FMN1: variants seen among roughly 807,000 people sequenced by gnomAD.
The protein encoded by FMN1 is formin 1.
Under a neutral mutation model 132.4 loss-of-function variants are expected in FMN1, and 110 were observed. That is an observed-to-expected ratio of 0.83 (90% CI 0.71 to 0.97). FMN1 has a LOEUF of 0.97. Among genes scored for constraint, FMN1 ranks in the 50% least tolerant of loss-of-function variants. The pLI is 0.00. For missense variants in FMN1, 1,792 were observed against 1,705.3 expected (o/e 1.05, Z -0.90); for synonymous variants, 722 against 651.7 (o/e 1.11, Z -1.64).
intron 4 of FMN1, among the ~76,000 whole-genome samples, chr15:33,128,087 C>G (rs1389176750): frequency 2.0e-5 from 3 of 151,976 alleles, no homozygotes; most frequent in African/African-American, 7.3e-5. Context: ...AGAAGAAAAC[C>G]AAGAATGAGG....
rs80089865 is a variant in FMN1 at position 32,968,752 on chromosome 15, C to T, written c.2949G>A (p.Lys983=). Residue 983 remains lysine, a synonymous_variant, in exon 8 of 21, where the codon AAG becomes AAA. Coordinates refer to ENST00000616417, the MANE Select transcript of FMN1 (RefSeq NM_001277313.2). ...KPAIEPSCPM[K]PLYWTRIQIS... ...TTTGTATCCTAGTCCAATATAAAGG[C>T]TTCATGGGACAACTGGGCTCGATGG... The T allele has an allele frequency of 1.0e-4, 163 of 1,612,904 alleles. No homozygotes were observed. In the African/African-American group the frequency reaches 2.0e-3, roughly 20 times the overall value.
At chr15:32,983,602 C>G (rs959867747) in intron 7 of FMN1, among the ~76,000 whole-genome samples, 1 of 152,050 alleles carries the variant, frequency 6.6e-6, no homozygotes, top group Non-Finnish European at 1.5e-5. Flanking sequence ...TAAGTGAACA[C>G]TAATATAATG....
chr15:32,927,687 C>T (rs1002004055), intron 9 of FMN1, among the ~76,000 whole-genome samples: 1 of 152,172 alleles, frequency 6.6e-6, no homozygotes, highest in Non-Finnish European at 1.5e-5. Flanking sequence ...TGTTTCTCTA[C>T]AACTAGTAAA....
intron 17 of FMN1, among the ~76,000 whole-genome samples, chr15:32,835,828 T>C (rs2058610216): frequency 6.6e-6 from 1 of 152,160 alleles, no homozygotes; most frequent in South Asian, 2.1e-4. Flanking sequence ...ATGCATTATC[T>C]TTCACACTGT....
intron 6 of FMN1, 63 bp downstream of exon 6, chr15:33,064,894 T>A (rs188976899): frequency 1.2e-5 from 14 of 1,137,330 alleles, no homozygotes. Flanking sequence ...TCAACTAAGC[T>A]AGAACTAAAA....
intron 19 of FMN1, among the ~76,000 whole-genome samples, chr15:32,794,341 G>A (rs543985147): frequency 6.6e-6 from 1 of 152,120 alleles, no homozygotes; most frequent in East Asian, 1.9e-4. Context: ...TTTTTAAATG[G>A]CACTTTTAAA....
At chr15:33,006,250 AAAG>A (rs1285929449) in intron 7 of FMN1, among the ~76,000 whole-genome samples, 1 of 152,214 alleles carries the variant, frequency 6.6e-6, no homozygotes, top group Non-Finnish European at 1.5e-5. Flanking sequence ...ACATTTCTCA[AAAG>A]AAGACATACA....
rs768687318 is a variant in FMN1, at chr15:33,154,714, G to C, written c.201C>G (p.Asp67Glu). 1.3e-5 allele frequency: 20 copies of C among 1,536,086 alleles called. No individual in the cohort carries two copies. Among genetic ancestry groups the C allele is most frequent in the Non-Finnish European group, 1.7e-5 (20 of 1,146,898 alleles). ...SDIISLSQEP[D>E]EHPGDIFFKQ... ...TGAAAAATATGTCGCCTGGATGTTC[G>C]TCCGGCTCCTGGCTGAGGCTGATGA... is the stretch of plus-strand genomic sequence containing the variant. Residue 67 changes from aspartate (D) to glutamate (E), a missense_variant, in exon 4 of 21, where the codon GAC becomes GAG. Coordinates refer to ENST00000616417, the MANE Select transcript of FMN1 (RefSeq NM_001277313.2).
At chr15:33,188,548 T>G (rs17235819) in intron 2 of FMN1, among the ~76,000 whole-genome samples, 12,304 of 152,202 alleles carry the variant, frequency 0.081, 778 homozygotes, top group African/African-American at 0.19. Context: ...TCTTCAGCTG[T>G]GTCTCCCTTT....
intron 3 of FMN1, among the ~76,000 whole-genome samples, 200 bp downstream of exon 3, chr15:33,179,998 G>A (rs1965641082): frequency 6.6e-6 from 1 of 152,200 alleles, no homozygotes; most frequent in Non-Finnish European, 1.5e-5. Context: ...TTATTTAGGG[G>A]ACAACTGGAA....
intron 4 of FMN1, chr15:33,149,948 T>C (rs1964377795): frequency 1.0e-6 from 1 of 984,862 alleles, no homozygotes. Context: ...GCCTCTTAAC[T>C]CTTAATAAGT....
At chr15:32,886,932 G>C (rs2059909875) in intron 16 of FMN1, among the ~76,000 whole-genome samples, 1 of 152,028 alleles carries the variant, frequency 6.6e-6, no homozygotes, top group African/African-American at 2.4e-5. Context: ...ACGACCGCAA[G>C]TTCACATATC....
chr15:32,906,356 T>C (rs1474465365), intron 12 of FMN1, among the ~76,000 whole-genome samples: 1 of 152,198 alleles, frequency 6.6e-6, no homozygotes. Flanking sequence ...TTTTATGACA[T>C]GTAAAAATGA....
chr15:33,007,707 ACTT>A (rs1274932388), intron 7 of FMN1, among the ~76,000 whole-genome samples: 1 of 152,162 alleles, frequency 6.6e-6, no homozygotes, highest in Non-Finnish European at 1.5e-5. Context: ...AGAAAAAAAA[ACTT>A]CTACTATATT....
intron 4 of FMN1, among the ~76,000 whole-genome samples, chr15:33,127,796 C>CCA: frequency 6.6e-6 from 1 of 152,294 alleles, no homozygotes; most frequent in East Asian, 1.9e-4. Context: ...CTACATCTTG[C>CCA]CACACATCCA....
intron 6 of FMN1, among the ~76,000 whole-genome samples, chr15:33,050,296 T>G (rs1376812630): frequency 6.6e-6 from 1 of 152,208 alleles, no homozygotes; most frequent in African/African-American, 2.4e-5. Flanking sequence ...TTAGACCAGA[T>G]TTCACTACAT....
chr15:33,151,034 C>A (rs1964418076), intron 4 of FMN1: 1 of 1,175,638 alleles, frequency 8.5e-7, no homozygotes, highest in Non-Finnish European at 1.1e-6. Flanking sequence ...GGCTTCCCAG[C>A]TGCAGGGAGT....
At chr15:33,099,265 T>C (rs2039202202) in intron 4 of FMN1, among the ~76,000 whole-genome samples, 1 of 152,216 alleles carries the variant, frequency 6.6e-6, no homozygotes, top group South Asian at 2.1e-4. Context: ...CACTTCAACC[T>C]GGGTGGCAGA....
intron 6 of FMN1, among the ~76,000 whole-genome samples, chr15:33,050,054 C>CT (rs1321317042): frequency 1.3e-5 from 2 of 152,202 alleles, no homozygotes; most frequent in African/African-American, 4.8e-5. Context: ...ATATTCAACA[C>CT]TTTATTACAA....
Sources: gnomAD v4.1 joint callset for allele counts (sites outside exome capture counted in the v4.1 genomes callset) on GRCh38, gnomAD v4.1.1 for gene constraint, MANE v1.5 for transcripts, NCBI Gene and HGNC (gene_info 2026-07-23, HGNC 2026-07-21) for gene names.